Variants in AGAP1 observed in about 807,000 individuals in gnomAD.
AGAP1 encodes arf-GAP with GTPase, ANK repeat and PH domain-containing protein 1.
AGAP1 carries 29 observed loss-of-function variants against 105.3 expected under a neutral mutation model. The ratio of observed to expected loss-of-function variants is 0.28; its 90% CI spans 0.21 to 0.38. The LOEUF is 0.38. AGAP1 is among the 10% of genes least tolerant of loss of function. AGAP1 has a pLI of 1.00. For synonymous variants in AGAP1, 509 were observed against 485.9 expected, an observed-to-expected ratio of 1.05 and a Z score of -0.63; for missense variants, 998 against 1,165.1, an observed-to-expected ratio of 0.86 and a Z score of 2.09.
chr2:235,706,419 G>T (rs1384858462), intron 1 of AGAP1, among the ~76,000 whole-genome samples: 26 of 151,788 alleles, frequency 1.7e-4, no homozygotes, highest in Non-Finnish European at 1.5e-5. Context: ...CAGTAGAGTT[G>T]GGGTTTCACC....
rs1016396072 is a variant in AGAP1, at chr2:236,061,347, A to C, written c.2114+12066A>C. Among the ~76,000 whole-genome samples, 3 of 152,166 alleles carry C rather than the reference A, an allele frequency of 2.0e-5. No homozygotes were observed. The highest frequency in any genetic ancestry group is 7.2e-5 in the African/African-American group (3 of 41,442). On this transcript the variant is annotated intron_variant, in intron 16 of 17. Transcript: ENST00000304032. The surrounding 1 kb of genome is among the most constrained non-coding windows in gnomAD (Gnocchi z 4.1). ...CGTATGACCCAGCCATTCCTCCCCC[A>C]GGTCTATACCTAAGATAAATGAAAA...
rs2051207625 is a variant in AGAP1, at chr2:235,904,451, G to A, written c.1156-4287G>A. Among the ~76,000 whole-genome samples, 1 of 152,136 alleles carries A rather than the reference G, an allele frequency of 6.6e-6. No homozygotes were observed. Among genetic ancestry groups the A allele is most frequent in the Admixed American group, 6.5e-5 (1 of 15,278 alleles). ...GAGGGGCAGGAGATGGCACCTCTGG[G>A]GGGCCTGGCTCTTGAGTGGGCCCCA... On this transcript the variant is annotated intron_variant, in intron 10 of 17. Transcript: ENST00000304032. This position sits in a 1 kb window ranked among gnomAD's most constrained non-coding sequence, Gnocchi z 4.2.
rs1381448410 is a variant in AGAP1, at chr2:235,737,450, G to A, written c.311-3513G>A. Among the ~76,000 whole-genome samples, 1 of 152,196 alleles carries A rather than the reference G, an allele frequency of 6.6e-6. No individual in the cohort carries two copies. Among genetic ancestry groups the A allele is most frequent in the African/African-American group, 2.4e-5 (1 of 41,460 alleles). Reference sequence around the variant, plus strand: ...ACTGCTCCTTTTAGAGGCAATGAAAGTTGGGCCTGGAGTCCTTTGCTTGAG... The same window carrying A: ...ACTGCTCCTTTTAGAGGCAATGAAAATTGGGCCTGGAGTCCTTTGCTTGAG... On this transcript the variant is annotated intron_variant, in intron 3 of 17. Coordinates refer to ENST00000304032, the MANE Select transcript of AGAP1 (RefSeq NM_001037131.3). This position sits in a 1 kb window ranked among gnomAD's most constrained non-coding sequence, Gnocchi z 4.5.
rs148523806 is a variant in AGAP1, at chr2:235,688,794, A to C, written c.164-20385A>C. On this transcript the variant is annotated intron_variant, in intron 1 of 17. Transcript: ENST00000304032. ...TGGTGACAGCTTGGAGGAGCAGGGG[A>C]GTCAGTGGCATGACTAGGCCTGGGT... 7.2e-4 allele frequency among the ~76,000 whole-genome samples: 109 copies of C among 152,196 alleles called. 1 individual carries two copies. The highest frequency in any genetic ancestry group is 5.4e-3 in the Admixed American group (82 of 15,276).
Position 235,777,786 on chromosome 2 carries a change from G to C in AGAP1, c.674-19973G>C, listed in dbSNP as rs1178541938. Among the ~76,000 whole-genome samples, 1 of 152,226 alleles carries C rather than the reference G, an allele frequency of 6.6e-6. No individual in the cohort carries two copies. The highest frequency in any genetic ancestry group is 2.4e-5 in the African/African-American group (1 of 41,466). On this transcript the variant is annotated intron_variant, in intron 6 of 17. Coordinates refer to ENST00000304032, the MANE Select transcript of AGAP1 (RefSeq NM_001037131.3). This position sits in a 1 kb window ranked among gnomAD's most constrained non-coding sequence, Gnocchi z 5.1. ...TGAGACGTTAACGAATGATGGCTGTGATGTAATTGACTCAGTTGACACATA... is the reference window on the plus strand; with the variant it reads ...TGAGACGTTAACGAATGATGGCTGTCATGTAATTGACTCAGTTGACACATA...
In AGAP1 at chr2:235,852,954, C is replaced by T. The variant is rs2048538796; in HGVS notation, c.1051-30391C>T. On this transcript the variant is annotated intron_variant, in intron 9 of 17. Transcript: ENST00000304032. ...GCGCATCTCTGATAGACCTTTGACA[C>T]CTTCCAACAAAGAGGTTACAGGAGG... 2 of 1,267,752 alleles carry T rather than the reference C, an allele frequency of 1.6e-6. 1 individual carries two copies. Among genetic ancestry groups the T allele is most frequent in the South Asian group, 6.7e-5 (2 of 29,648 alleles). The allele number at this position is 1,267,752 out of a possible 1,614,324, so 78.5% of individuals were successfully genotyped here.
rs1160083285 is a variant in AGAP1 at position 235,900,722 on chromosome 2, G to A, written c.1156-8016G>A. ...TAATCCAGCTGCTTCAGGATGATGG[G>A]GAACATGGTAAGACCAGTGAATTCC... On this transcript the variant is annotated intron_variant, in intron 10 of 17. Coordinates refer to ENST00000304032, the MANE Select transcript of AGAP1 (RefSeq NM_001037131.3). This position sits in a 1 kb window ranked among gnomAD's most constrained non-coding sequence, Gnocchi z 5.5. Among the ~76,000 whole-genome samples the A allele has an allele frequency of 6.6e-6, 1 of 152,154 alleles. No individual in the cohort carries two copies. Among genetic ancestry groups the A allele is most frequent in the Non-Finnish European group, 1.5e-5 (1 of 68,036 alleles).
intron 13 of AGAP1, among the ~76,000 whole-genome samples, chr2:236,010,498 G>A (rs1282946946): frequency 1.3e-5 from 2 of 152,138 alleles, no homozygotes; most frequent in South Asian, 4.1e-4. Context: ...TCTTTTCTAA[G>A]TGCATCACTG....
At chr2:235,997,241 C>T (rs1427810820) in intron 13 of AGAP1, among the ~76,000 whole-genome samples, 1 of 152,142 alleles carries the variant, frequency 6.6e-6, no homozygotes, top group Non-Finnish European at 1.5e-5. Flanking sequence ...AGGCGTGCAC[C>T]ACCACGCCTA....
At chr2:235,680,865 C>T (rs1949027499) in intron 1 of AGAP1, among the ~76,000 whole-genome samples, 1 of 152,066 alleles carries the variant, frequency 6.6e-6, no homozygotes, top group Admixed American at 6.5e-5. Context: ...CCAGCTTCCG[C>T]CTCTGAACAC....
chr2:235,500,046 G>GT (rs1224659717), intron 1 of AGAP1, among the ~76,000 whole-genome samples: 1 of 152,150 alleles, frequency 6.6e-6, no homozygotes, highest in Non-Finnish European at 1.5e-5. Context: ...GGCTGGCTTG[G>GT]TGGGAACTCA....
rs571759013 is a variant in AGAP1 at position 235,865,384 on chromosome 2, C to T, written c.1051-17961C>T. Among the ~76,000 whole-genome samples, 18 of 152,332 alleles carry T rather than the reference C, an allele frequency of 1.2e-4. No homozygotes were observed. The highest frequency in any genetic ancestry group is 2.2e-4 in the Non-Finnish European group (15 of 68,028). On this transcript the variant is annotated intron_variant, in intron 9 of 17. Coordinates refer to ENST00000304032, the MANE Select transcript of AGAP1 (RefSeq NM_001037131.3). This position sits in a 1 kb window ranked among gnomAD's most constrained non-coding sequence, Gnocchi z 6.2. The stretch of plus-strand genomic sequence containing the variant: ...GCAGCCTTGGGTTCCGCAAATAGGG[C>T]ACCCACAGTAACACGTGTGGCGCCG...
Position 235,962,923 on chromosome 2 carries a change from C to A in AGAP1, c.1484-5539C>A, listed in dbSNP as rs2054250926. Among the ~76,000 whole-genome samples the A allele has an allele frequency of 6.6e-6, 1 of 152,148 alleles. No homozygotes were observed. Among genetic ancestry groups the A allele is most frequent in the South Asian group, 2.1e-4 (1 of 4,818 alleles). ...CCAGTTTGATACCCAGAAACGTCTCCAGCCATTGCCAGAGGTCCTGGGTGG... is the reference window on the plus strand; with the variant it reads ...CCAGTTTGATACCCAGAAACGTCTCAAGCCATTGCCAGAGGTCCTGGGTGG... On this transcript the variant is annotated intron_variant, in intron 12 of 17. Coordinates refer to ENST00000304032, the MANE Select transcript of AGAP1 (RefSeq NM_001037131.3). This position sits in a 1 kb window ranked among gnomAD's most constrained non-coding sequence, Gnocchi z 5.3.
At chr2:235,584,686 G>A (rs1945045002) in intron 1 of AGAP1, among the ~76,000 whole-genome samples, 1 of 151,708 alleles carries the variant, frequency 6.6e-6, no homozygotes, top group African/African-American at 2.4e-5. Context: ...CCAGAACTGC[G>A]AGGGAATACA....
At position 236,129,480 on chromosome 2, in the gene AGAP1, A is replaced by T. The variant is rs996208176; in HGVS notation, c.*5358A>T. The T allele has an allele frequency of 6.6e-6, 1 of 152,266 alleles. No individual in the cohort carries two copies. The highest frequency in any genetic ancestry group is 1.5e-5 in the Non-Finnish European group (1 of 68,066). The allele number at this position is 152,266 out of a possible 1,614,324, so 9.4% of individuals were successfully genotyped here. A position where few individuals can be genotyped will look rare whatever the true frequency, so the allele number is the denominator to read the frequency against. ...CAGTCCTCAGACTGGTCCTTCCGAC[A>T]CAGGCAGAGAGTGAACTGGATCGCT... On this transcript the variant is annotated 3_prime_UTR_variant, in exon 18 of 18. Transcript: ENST00000304032. This position sits in a 1 kb window ranked among gnomAD's most constrained non-coding sequence, Gnocchi z 6.2.
rs149843108 is a variant in AGAP1 at position 235,666,045 on chromosome 2, C to T, written c.164-43134C>T. ...TCTCATAAACTTGGAACTAAGGGAG[C>T]GAAGCCAGCTGCTGAGGGTGATGAA... On this transcript the variant is annotated intron_variant, in intron 1 of 17. Transcript: ENST00000304032. Among the ~76,000 whole-genome samples the T allele has an allele frequency of 2.3e-4, 35 of 152,204 alleles. No individual in the cohort carries two copies. In the East Asian group the frequency reaches 6.0e-3, roughly 26 times the overall value.
At chr2:235,774,702 A>C (rs898266024) in intron 6 of AGAP1, among the ~76,000 whole-genome samples, 1 of 152,214 alleles carries the variant, frequency 6.6e-6, no homozygotes, top group Non-Finnish European at 1.5e-5. Flanking sequence ...TTTGATTCCA[A>C]TCAGAGATTT....
rs1166523228 is a variant in AGAP1 at position 235,604,572 on chromosome 2, C to CTTTTTTTTTTTT, written c.164-104590_164-104579dup. On this transcript the variant is annotated intron_variant, in intron 1 of 17. Transcript: ENST00000304032. ...CGTGTTTCTTTTTTATTTTTATTATCTTTTTTTTTTTTTTTTTTTTTTTTT... is the reference window on the plus strand; with the variant it reads ...CGTGTTTCTTTTTTATTTTTATTATCTTTTTTTTTTTTTTTTTTTTTTTTTTTTTTTTTTTTT... Among the ~76,000 whole-genome samples the CTTTTTTTTTTTT allele has an allele frequency of 1.7e-4, 12 of 69,676 alleles. 1 individual carries two copies. Among genetic ancestry groups the CTTTTTTTTTTTT allele is most frequent in the African/African-American group, 2.7e-4 (4 of 14,978 alleles). 45.7% of individuals were successfully genotyped at this position (69,676 alleles called of 152,430 possible).
At chr2:235,871,555 G>A (rs528715037) in intron 9 of AGAP1, among the ~76,000 whole-genome samples, 46 of 152,350 alleles carry the variant, frequency 3.0e-4, no homozygotes, top group Non-Finnish European at 4.8e-4. Context: ...GCCAGCCTCA[G>A]CCAACTGCCT....
Sources: allele counts gnomAD v4.1 joint callset (sites outside exome capture counted in the v4.1 genomes callset), GRCh38; gene constraint gnomAD v4.1.1; non-coding constraint Gnocchi (gnomAD v3.1); transcripts MANE v1.5; gene names NCBI Gene and HGNC (gene_info 2026-07-23, HGNC 2026-07-21).